Variants in TMEM74 observed in about 807,000 individuals in gnomAD.
The protein encoded by TMEM74 is transmembrane protein 74.
A neutral mutation model predicts 18.1 loss-of-function variants in TMEM74; 13 were observed. That is an observed-to-expected ratio of 0.72 (90% CI 0.47 to 1.14). The LOEUF is 1.14. TMEM74 is among the 50% of genes most tolerant of loss of function. The pLI is 0.00. For synonymous variants in TMEM74, 159 were observed against 146.6 expected, an observed-to-expected ratio of 1.08 and a Z score of -0.61; for missense variants, 372 against 375.9, an observed-to-expected ratio of 0.99 and a Z score of 0.09.
chr8:108,629,342 C>G (rs150620715), intron 2 of TMEM74, among the ~76,000 whole-genome samples: 1 of 152,024 alleles, frequency 6.6e-6, no homozygotes, highest in African/African-American at 2.4e-5. Context: ...TGTGAAAAGA[C>G]CAAGCCTATG....
intron 1 of TMEM74, among the ~76,000 whole-genome samples, chr8:108,738,958 A>G (rs555813398): frequency 1.2e-4 from 19 of 152,168 alleles, no homozygotes; most frequent in Non-Finnish European, 2.4e-4. Flanking sequence ...TACTTTCTGA[A>G]GTCACATAGG....
At chr8:108,777,643 G>A (rs959678992), downstream of TMEM74, among the ~76,000 whole-genome samples, 5 of 152,134 alleles carry the variant, frequency 3.3e-5, no homozygotes, top group Non-Finnish European at 5.9e-5. Flanking sequence ...TTTTTATAAG[G>A]GTCATATTCC....
At chr8:108,616,243 G>A (rs1443615444) in intron 2 of TMEM74, among the ~76,000 whole-genome samples, 1 of 152,154 alleles carries the variant, frequency 6.6e-6, no homozygotes, top group African/African-American at 2.4e-5. Flanking sequence ...GGGAATCTGG[G>A]CAGCACACCA....
chr8:108,613,692 A>G (rs1586233867), intron 2 of TMEM74, among the ~76,000 whole-genome samples: 1 of 152,330 alleles, frequency 6.6e-6, no homozygotes, highest in Admixed American at 6.5e-5. Flanking sequence ...GAGAATGCAA[A>G]TGCCAAGAGG....
At chr8:108,696,256 T>G (rs1454032375) in intron 1 of TMEM74, among the ~76,000 whole-genome samples, 1 of 152,236 alleles carries the variant, frequency 6.6e-6, no homozygotes, top group African/African-American at 2.4e-5. Context: ...ACAAAAGTTT[T>G]ATATGAATTA....
chr8:108,727,329 T>C (rs1021967280), intron 1 of TMEM74, among the ~76,000 whole-genome samples: 3 of 152,182 alleles, frequency 2.0e-5, no homozygotes, highest in African/African-American at 7.2e-5. Context: ...TAGGGGTCCA[T>C]TGCAGTAATC....
At chr8:108,640,246 C>A in intron 2 of TMEM74, among the ~76,000 whole-genome samples, 1 of 150,734 alleles carries the variant, frequency 6.6e-6, no homozygotes, top group Non-Finnish European at 1.5e-5. Context: ...GATTCTCCTG[C>A]CTCAGCCTCC....
chr8:108,721,284 A>G (rs1813585000), intron 1 of TMEM74, among the ~76,000 whole-genome samples: 1 of 152,172 alleles, frequency 6.6e-6, no homozygotes, highest in Non-Finnish European at 1.5e-5. Context: ...ACCAAGAAAG[A>G]CACTCTGTCT....
chr8:108,630,255 G>A lies in TMEM74; in HGVS notation n.265-21429C>T, dbSNP rs1264666959. 1.3e-5 allele frequency among the ~76,000 whole-genome samples: 2 copies of A among 151,676 alleles called. 1 individual carries two copies. The highest frequency in any genetic ancestry group is 1.3e-4 in the Admixed American group (2 of 15,200). On this transcript the variant is annotated intron_variant and non_coding_transcript_variant, in intron 2 of 3. Transcript: ENST00000518838. The stretch of plus-strand genomic sequence containing the variant: ...GACAAAGAAGGGCATTACATAAAAG[G>A]ATCAATGCAACTAGAAGATCTAACT...
At chr8:108,731,595 G>C (rs1309495087) in intron 1 of TMEM74, among the ~76,000 whole-genome samples, 1 of 152,102 alleles carries the variant, frequency 6.6e-6, no homozygotes, top group Non-Finnish European at 1.5e-5. Context: ...ACTCAAAATA[G>C]GACATGGCAT....
At chr8:108,607,031 C>A (rs886544460) in exon 4 of TMEM74, 1 of 152,280 alleles carries the variant, frequency 6.6e-6, no homozygotes, top group Non-Finnish European at 1.5e-5. Flanking sequence ...CCTGCCTCTG[C>A]CTGCATGGCA....
intron 3 of TMEM74, among the ~76,000 whole-genome samples, chr8:108,607,973 A>G (rs1812293546): frequency 6.6e-6 from 1 of 152,082 alleles, no homozygotes; most frequent in Non-Finnish European, 1.5e-5. Flanking sequence ...ATTTTTGTGT[A>G]TTAGGATTTG....
chr8:108,759,533 A>G (rs1458899742), intron 1 of TMEM74, among the ~76,000 whole-genome samples: 3 of 152,150 alleles, frequency 2.0e-5, no homozygotes, highest in Non-Finnish European at 4.4e-5. Flanking sequence ...TAAAGTGAAT[A>G]TGCAAAATGA....
chr8:108,636,794 G>A (rs1159999172), intron 2 of TMEM74, among the ~76,000 whole-genome samples: 2 of 146,160 alleles, frequency 1.4e-5, no homozygotes. Context: ...AAGTGGCCGA[G>A]TAAAAGAAGT....
At chr8:108,666,388 C>T (rs1183846613) in intron 1 of TMEM74, among the ~76,000 whole-genome samples, 2 of 152,190 alleles carry the variant, frequency 1.3e-5, no homozygotes, top group Non-Finnish European at 2.9e-5. Context: ...AATTTAAAAG[C>T]GTCAAAGTCA....
intron 1 of TMEM74, among the ~76,000 whole-genome samples, chr8:108,786,628 C>T (rs571372969): frequency 6.6e-6 from 1 of 152,236 alleles, no homozygotes; most frequent in African/African-American, 2.4e-5. Flanking sequence ...CAGCAAAAAA[C>T]AACAGGGCAA....
intron 2 of TMEM74, among the ~76,000 whole-genome samples, chr8:108,628,312 C>T (rs963117688): frequency 2.0e-5 from 3 of 152,116 alleles, no homozygotes; most frequent in East Asian, 1.9e-4. Flanking sequence ...CAACCTAGAA[C>T]ACTTCAGGAA....
At chr8:108,745,579 A>G (rs994296948) in intron 1 of TMEM74, among the ~76,000 whole-genome samples, 1 of 152,110 alleles carries the variant, frequency 6.6e-6, no homozygotes, top group Non-Finnish European at 1.5e-5. Context: ...AAAGCACTTA[A>G]TAAACGTACA....
intron 2 of TMEM74, among the ~76,000 whole-genome samples, chr8:108,620,755 T>C (rs936829693): frequency 6.6e-6 from 1 of 152,172 alleles, no homozygotes; most frequent in Admixed American, 6.6e-5. Flanking sequence ...TTGGAATCCT[T>C]GTCTGAGGGG....
Sources: allele counts gnomAD v4.1 joint callset (sites outside exome capture counted in the v4.1 genomes callset), GRCh38; gene constraint gnomAD v4.1.1; transcripts MANE v1.5; gene names NCBI Gene and HGNC (gene_info 2026-07-23, HGNC 2026-07-21).